The following HNF4G variants were observed in gnomAD, a reference collection of about 807,000 sequenced individuals.
HNF4G encodes the protein hepatocyte nuclear factor 4 gamma.
HNF4G carries 21 observed loss-of-function variants against 50.9 expected under a neutral mutation model. That is an observed-to-expected ratio of 0.41 (90% CI 0.29 to 0.59). The LOEUF is 0.59. Among genes scored for constraint, HNF4G ranks in the 20% least tolerant of loss-of-function variants. HNF4G has a pLI of 0.26. For missense variants in HNF4G, 527 were observed against 559.4 expected, an observed-to-expected ratio of 0.94 and a Z score of 0.58; for synonymous variants, 198 against 185.6, an observed-to-expected ratio of 1.07 and a Z score of -0.54.
At chr8:75,423,876 T>G (rs934549558) in intron 1 of HNF4G, among the ~76,000 whole-genome samples, 3 of 119,910 alleles carry the variant, frequency 2.5e-5, no homozygotes, top group African/African-American at 9.6e-5. Flanking sequence ...CAGGCTGGAG[T>G]GCAGTGGGGT....
At position 75,554,793 on chromosome 8, in the gene HNF4G, C is replaced by A. The variant is rs1461961777; in HGVS notation, c.646-1189C>A. On this transcript the variant is annotated intron_variant, in intron 5 of 9. Transcript: ENST00000396423. ...AAGTGGAGATAAGCTCTATAAAATG[C>A]TATAAAATGGAATAGGATGAGTTGT... is the stretch of plus-strand genomic sequence containing the variant. 2.6e-5 allele frequency among the ~76,000 whole-genome samples: 4 copies of A among 152,028 alleles called. No individual in the cohort carries two copies. The South Asian group carries it at 8.3e-4, about 31-fold the overall frequency.
intron 1 of HNF4G, among the ~76,000 whole-genome samples, chr8:75,474,786 C>T (rs1277901136): frequency 6.6e-6 from 1 of 152,086 alleles, no homozygotes; most frequent in Non-Finnish European, 1.5e-5. Context: ...CAACCTCCGC[C>T]TCCCAGATTC....
At chr8:75,543,014 C>T (rs1390329451) in intron 1 of HNF4G, among the ~76,000 whole-genome samples, 2 of 152,088 alleles carry the variant, frequency 1.3e-5, no homozygotes, top group Non-Finnish European at 2.9e-5. Context: ...CAAGAACAGC[C>T]TGGCCAACAT....
At chr8:75,555,207 A>G (rs1807078371) in intron 5 of HNF4G, among the ~76,000 whole-genome samples, 1 of 152,226 alleles carries the variant, frequency 6.6e-6, no homozygotes, top group Non-Finnish European at 1.5e-5. Context: ...GAGAAGCAGC[A>G]CTAGAATTTA....
At chr8:75,413,397 G>C (rs1810553915) in intron 1 of HNF4G, among the ~76,000 whole-genome samples, 1 of 144,050 alleles carries the variant, frequency 6.9e-6, no homozygotes, top group African/African-American at 2.6e-5. Flanking sequence ...CAATGAAGGT[G>C]AGAAGACATT....
At chr8:75,502,780 TCTTC>T (rs1167429838) in intron 2 of HNF4G, among the ~76,000 whole-genome samples, 3 of 152,206 alleles carry the variant, frequency 2.0e-5, no homozygotes, top group African/African-American at 7.2e-5. Flanking sequence ...GCTCAGAAAT[TCTTC>T]CTTTAGAAAG....
intron 3 of HNF4G, among the ~76,000 whole-genome samples, chr8:75,548,141 C>T (rs369713529): frequency 3.3e-5 from 5 of 151,944 alleles, no homozygotes; most frequent in African/African-American, 9.7e-5. Flanking sequence ...CGCATCATCA[C>T]GCCTGGCTAA....
intron 1 of HNF4G, 146 bp from the exon 2 acceptor site, chr8:75,543,665 C>G (rs1026282507): frequency 1.7e-6 from 1 of 586,594 alleles, no homozygotes; most frequent in Non-Finnish European, 2.9e-6. Flanking sequence ...ACGGAAGCAG[C>G]CAGCCAGGGG....
intron 2 of HNF4G, among the ~76,000 whole-genome samples, chr8:75,505,473 A>C (rs1369143191): frequency 5.3e-5 from 8 of 152,164 alleles, no homozygotes; most frequent in African/African-American, 1.9e-4. Context: ...GCACAAGACA[A>C]ACAGTACAAA....
rs957356392 is a variant in HNF4G at position 75,553,169 on chromosome 8, C to T, written c.617C>T (p.Ala206Val). The change falls in exon 5 of 10, where the codon GCC becomes GTC. Residue 206 changes from alanine to valine, a missense_variant. This residue lies in a region of HNF4G where 308 missense variants were observed against 301.5 expected (regional missense o/e 1.02). Coordinates refer to ENST00000396423, the MANE Select transcript of HNF4G (RefSeq NM_004133.5). Reference protein sequence around the residue: ...VLVEWAKYIPAFCELPLDDQV... With the variant: ...VLVEWAKYIPVFCELPLDDQV... ...GTGGAATGGGCTAAATATATTCCTG[C>T]CTTCTGTGAATTACCATTGGATGAT... 3.1e-6 allele frequency: 5 copies of T among 1,612,472 alleles called. No individual in the cohort carries two copies. The highest frequency in any genetic ancestry group is 2.7e-5 in the African/African-American group (2 of 74,788).
chr8:75,477,212 C>T (rs996289533), intron 1 of HNF4G, among the ~76,000 whole-genome samples: 2 of 152,122 alleles, frequency 1.3e-5, no homozygotes, highest in Non-Finnish European at 2.9e-5. Flanking sequence ...ACAAAGAAAA[C>T]CATTTGACTT....
At chr8:75,559,223 C>T (rs1807227773) in intron 8 of HNF4G, among the ~76,000 whole-genome samples, 186 bp downstream of exon 8, 2 of 151,394 alleles carry the variant, frequency 1.3e-5, no homozygotes. Context: ...CAAGACCCAT[C>T]AGAGAGACAA....
At chr8:75,457,190 C>T (rs1811743699) in intron 1 of HNF4G, among the ~76,000 whole-genome samples, 2 of 152,202 alleles carry the variant, frequency 1.3e-5, no homozygotes, top group African/African-American at 4.8e-5. Context: ...TAGCTGTAGA[C>T]TTTAATCCAG....
At chr8:75,528,926 A>G (rs2130761750) in intron 2 of HNF4G, among the ~76,000 whole-genome samples, 1 of 152,264 alleles carries the variant, frequency 6.6e-6, no homozygotes, top group Admixed American at 6.5e-5. Flanking sequence ...CAATCATGGC[A>G]GAAGGCGAAG....
At chr8:75,485,037 G>GATAACTAT (rs1812468149) in intron 1 of HNF4G, among the ~76,000 whole-genome samples, 1 of 152,122 alleles carries the variant, frequency 6.6e-6, no homozygotes, top group African/African-American at 2.4e-5. Context: ...ATGTAACTAA[G>GATAACTAT]ATAACTATAT....
intron 2 of HNF4G, among the ~76,000 whole-genome samples, chr8:75,509,273 C>A (rs1478853972): frequency 1.3e-5 from 2 of 152,096 alleles, no homozygotes; most frequent in Admixed American, 1.3e-4. Context: ...GAGCTAAGGA[C>A]TGAGCCAACA....
upstream of HNF4G, among the ~76,000 whole-genome samples, chr8:75,538,897 T>C (rs1179106187): frequency 6.6e-6 from 1 of 152,178 alleles, no homozygotes; most frequent in Non-Finnish European, 1.5e-5. Flanking sequence ...AGGTTTGTGG[T>C]GTTAAGAAAT....
chr8:75,432,291 TAA>T (rs201705373), intron 1 of HNF4G, among the ~76,000 whole-genome samples: 3 of 144,320 alleles, frequency 2.1e-5, no homozygotes, highest in African/African-American at 7.5e-5. Flanking sequence ...TGTATCAAAA[TAA>T]AAAAAAAAAG....
intron 2 of HNF4G, among the ~76,000 whole-genome samples, chr8:75,505,208 A>T (rs898335126): frequency 6.6e-6 from 1 of 152,086 alleles, no homozygotes; most frequent in Non-Finnish European, 1.5e-5. Context: ...TGATTTCTAA[A>T]CTCAACTCTT....
Sources: gnomAD v4.1 joint callset for allele counts (sites outside exome capture counted in the v4.1 genomes callset) on GRCh38, gnomAD v4.1.1 for gene constraint, gnomAD v4.1.1 regional missense constraint, MANE v1.5 for transcripts, NCBI Gene and HGNC (gene_info 2026-07-23, HGNC 2026-07-21) for gene names.